COL11A1: variants seen among roughly 807,000 people sequenced by gnomAD.
COL11A1 encodes collagen alpha-1(XI) chain.
A neutral mutation model predicts 265.2 loss-of-function variants in COL11A1; 74 were observed. That is an observed-to-expected ratio of 0.28 (90% CI 0.23 to 0.34). The LOEUF is 0.34. COL11A1 is among the 10% of genes least tolerant of loss of function. The pLI, the probability that COL11A1 is intolerant of heterozygous loss-of-function variation, is 1.00. For synonymous variants in COL11A1, 816 were observed against 727.6 expected, an observed-to-expected ratio of 1.12 and a Z score of -1.96; for missense variants, 2,165 against 2,263.6, an observed-to-expected ratio of 0.96 and a Z score of 0.88.
chr1:102,902,820 G>C (rs1412120125), intron 54 of COL11A1, among the ~76,000 whole-genome samples: 2 of 150,386 alleles, frequency 1.3e-5, no homozygotes, highest in African/African-American at 4.9e-5. Context: ...TACTTTATAT[G>C]TGTGTGCATA....
At chr1:103,046,282 T>TGTTCCCTGAC (rs1553245306) in intron 4 of COL11A1, among the ~76,000 whole-genome samples, 10 of 47,262 alleles carry the variant, frequency 2.1e-4, no homozygotes, top group African/African-American at 4.3e-4. Context: ...CAGCACCTTT[T>TGTTCCCTGAC]TAATGATTGC....
At chr1:102,929,157 G>A (rs918546327) in intron 46 of COL11A1, among the ~76,000 whole-genome samples, 1 of 131,786 alleles carries the variant, frequency 7.6e-6, no homozygotes, top group South Asian at 2.8e-4. Flanking sequence ...TAGACATGAA[G>A]TCCTTGCCCA....
intron 4 of COL11A1, among the ~76,000 whole-genome samples, chr1:103,057,521 G>A (rs1444519972): frequency 6.6e-6 from 1 of 152,124 alleles, no homozygotes; most frequent in Non-Finnish European, 1.5e-5. Context: ...AATTTACTGT[G>A]TCCAGATTCA....
At chr1:102,888,691 A>G (rs369145108) in intron 61 of COL11A1, 32 bp downstream of exon 61, 5 of 1,613,872 alleles carry the variant, frequency 3.1e-6, no homozygotes, top group Non-Finnish European at 3.4e-6. Context: ...GTTTCAATGC[A>G]AAATTAAATT....
At position 102,898,922 on chromosome 1, in the gene COL11A1, T is replaced by C. The variant is rs1220082550; in HGVS notation, c.4140+19A>G. On this transcript the variant is annotated intron_variant, in intron 55 of 66. Coordinates refer to ENST00000370096, the MANE Select transcript of COL11A1 (RefSeq NM_001854.4). ...TATAATATATAATATATATTATGTA[T>C]ATATTATTTTTTTTTTACCTTAGCA... is the stretch of plus-strand genomic sequence containing the variant. The C allele has an allele frequency of 7.9e-7, 1 of 1,271,374 alleles. No homozygotes were observed. The highest frequency in any genetic ancestry group is 1.1e-6 in the Non-Finnish European group (1 of 925,274). The allele number at this position is 1,271,374 out of a possible 1,614,324, so 78.8% of individuals were successfully genotyped here.
At chr1:103,082,675 A>T in intron 2 of COL11A1, 130 bp downstream of exon 2, 1 of 780,484 alleles carries the variant, frequency 1.3e-6, no homozygotes, top group Non-Finnish European at 2.0e-6. Flanking sequence ...GCATTTTACC[A>T]TATAATTGCA....
At position 102,932,924 on chromosome 1, in the gene COL11A1, C is replaced by T. The variant is rs1045912278; in HGVS notation, c.3600+1525G>A. Among the ~76,000 whole-genome samples the T allele has an allele frequency of 3.3e-5, 5 of 150,186 alleles. No homozygotes were observed. The South Asian group carries it at 8.6e-4, about 26-fold the overall frequency. ...CTGCATTCTTCACGTAGTTCTCGAG[C>T]CTTGGTTTTCAGCTCCATCAGCTCC... On this transcript the variant is annotated intron_variant, in intron 46 of 66. Transcript: ENST00000370096.
At chr1:102,928,170 T>C (rs1656861093) in intron 46 of COL11A1, among the ~76,000 whole-genome samples, 1 of 152,076 alleles carries the variant, frequency 6.6e-6, no homozygotes, top group Non-Finnish European at 1.5e-5. Flanking sequence ...TACATATGTA[T>C]ACATGTGCAA....
chr1:102,929,843 C>G (rs142956721), intron 46 of COL11A1, among the ~76,000 whole-genome samples: 3,586 of 152,250 alleles, frequency 0.024, 71 homozygotes, highest in South Asian at 0.067. Context: ...ATTTTATTCT[C>G]TTTGAAGCAA....
At chr1:103,091,105 C>A (rs1673281965) in intron 1 of COL11A1, among the ~76,000 whole-genome samples, 2 of 152,002 alleles carry the variant, frequency 1.3e-5, no homozygotes, top group Non-Finnish European at 2.9e-5. Context: ...TAGCATTTTT[C>A]TCTTTTCATT....
intron 1 of COL11A1, among the ~76,000 whole-genome samples, chr1:103,106,017 T>C (rs1166677889): frequency 6.6e-6 from 1 of 152,190 alleles, no homozygotes; most frequent in Non-Finnish European, 1.5e-5. Flanking sequence ...CCTTATACTT[T>C]GCTATTTCTA....
chr1:103,023,370 C>CTTTTTTTTTTTTTTTTT (rs112800509), intron 7 of COL11A1, among the ~76,000 whole-genome samples: 1 of 142,960 alleles, frequency 7.0e-6, no homozygotes, highest in African/African-American at 2.6e-5. Context: ...TTTTTTCTTT[C>CTTTTTTTTTTTTTTTTT]TTTTTTTTTT....
intron 14 of COL11A1, 95 bp from the exon 15 acceptor site, chr1:103,008,611 A>G: frequency 9.4e-7 from 1 of 1,060,266 alleles, no homozygotes. Context: ...AACATTATTC[A>G]AAATATATTT....
At position 102,898,161 on chromosome 1, in the gene COL11A1, AG is replaced by A; in HGVS notation, c.4265del (p.Pro1422LeufsTer36). The A allele has an allele frequency of 1.4e-6, 2 of 1,478,458 alleles. No homozygotes were observed. Among genetic ancestry groups the A allele is most frequent in the Non-Finnish European group, 1.8e-6 (2 of 1,104,892 alleles). 91.6% of individuals were successfully genotyped at this position (1,478,458 alleles called of 1,614,324 possible). On this transcript the variant is annotated frameshift_variant, in exon 57 of 67. Coordinates refer to ENST00000370096, the MANE Select transcript of COL11A1 (RefSeq NM_001854.4). LOFTEE classifies it high-confidence loss of function. ...IPGPVGEQGL[P>X]GAAGQDGPPG... The stretch of plus-strand genomic sequence containing the variant: ...GTGGTCCATCTTGGCCTGCAGCTCC[AG>A]GGAGACCTTGTTCTCCCTAGAGAAA...
intron 4 of COL11A1, among the ~76,000 whole-genome samples, chr1:103,065,822 G>A (rs1571199122): frequency 1.3e-5 from 2 of 151,518 alleles, no homozygotes; most frequent in East Asian, 3.9e-4. Context: ...ACCCGAAACA[G>A]AATAAATTAA....
rs531690522 is a variant in COL11A1, at chr1:102,986,210, T to C, written c.2502+1423A>G. On this transcript the variant is annotated intron_variant, in intron 30 of 66. Coordinates refer to ENST00000370096, the MANE Select transcript of COL11A1 (RefSeq NM_001854.4). ...CTGGATTAAGAAAATGTGGCACATA[T>C]ACACCATGGAATACTATGCAGCCAT... 1.3e-3 allele frequency among the ~76,000 whole-genome samples: 194 copies of C among 152,064 alleles called. 1 individual carries two copies. The highest frequency in any genetic ancestry group is 0.01 in the Middle Eastern group (3 of 294).
chr1:102,934,346 T>C (rs1250944449), intron 46 of COL11A1, 103 bp downstream of exon 46: 2 of 773,042 alleles, frequency 2.6e-6, no homozygotes, highest in Non-Finnish European at 2.2e-6. Context: ...ACCCAAGTTC[T>C]TACGTAGAAA....
chr1:102,894,365 T>G (rs1303740725), intron 57 of COL11A1, among the ~76,000 whole-genome samples: 1 of 151,976 alleles, frequency 6.6e-6, no homozygotes, highest in Non-Finnish European at 1.5e-5. Context: ...AAAACCTATC[T>G]GTACTAAAAA....
At chr1:103,029,316 G>A (rs1667800425) in intron 5 of COL11A1, among the ~76,000 whole-genome samples, 1 of 151,936 alleles carries the variant, frequency 6.6e-6, no homozygotes, top group South Asian at 2.1e-4. Context: ...TGCACTTTAT[G>A]TTCTTTATTC....
Sources: allele counts gnomAD v4.1 joint callset (sites outside exome capture counted in the v4.1 genomes callset), GRCh38; gene constraint gnomAD v4.1.1; transcripts MANE v1.5; gene names NCBI Gene and HGNC (gene_info 2026-07-23, HGNC 2026-07-21).